The following HSPBP1 variants were observed in gnomAD, a reference collection of about 807,000 sequenced individuals.
The protein encoded by HSPBP1 is hsp70-binding protein 1.
In HSPBP1, 31 loss-of-function variants were observed where a neutral mutation model predicts 41.7. The ratio of observed to expected loss-of-function variants is 0.74; its 90% CI spans 0.56 to 1.00. HSPBP1 has a LOEUF of 1.00. Ranked by LOEUF, HSPBP1 falls within the 50% of genes least tolerant of loss-of-function variation. The pLI is 0.00. For synonymous variants in HSPBP1, 199 were observed against 214.4 expected, an observed-to-expected ratio of 0.93 and a Z score of 0.63; for missense variants, 439 against 487.9, an observed-to-expected ratio of 0.90 and a Z score of 0.94.
intron 4 of HSPBP1, among the ~76,000 whole-genome samples, chr19:55,269,544 G>A (rs938379003): frequency 6.6e-6 from 1 of 152,094 alleles, no homozygotes; most frequent in South Asian, 2.1e-4. Context: ...CTTATTCAGC[G>A]CTAAAAAGAA....
At chr19:55,269,059 G>A (rs898250465) in intron 4 of HSPBP1, among the ~76,000 whole-genome samples, 1 of 152,140 alleles carries the variant, frequency 6.6e-6, no homozygotes, top group Admixed American at 6.5e-5. Flanking sequence ...TGTAAGCAAG[G>A]CCTGTCAGCT....
intron 7 of HSPBP1, among the ~76,000 whole-genome samples, chr19:55,264,957 AC>A (rs1248034500): frequency 6.6e-6 from 1 of 150,412 alleles, no homozygotes; most frequent in Non-Finnish European, 1.5e-5. Flanking sequence ...GGAATTCCTC[AC>A]CCCCCAGGCC....
In HSPBP1 at chr19:55,265,349, C is replaced by T; in HGVS notation, c.934G>A (p.Glu312Lys). The change falls in exon 7 of 8, where the codon GAG (glutamate) becomes AAG (lysine). Residue 312 changes from glutamate to lysine, a missense_variant. Physicochemically the swap from Glu to Lys is moderately conservative, Grantham distance 56 (BLOSUM62 1). Coordinates refer to ENST00000433386, the MANE Select transcript of HSPBP1 (RefSeq NM_012267.5). ...DFPQGVRECR[E>K]PELGLEELLR... ...AGCTCCTCCAGGCCCAGTTCCGGCTCCCGACACTCGCGCACACCCTGCGGA... is the reference window on the plus strand; with the variant it reads ...AGCTCCTCCAGGCCCAGTTCCGGCTTCCGACACTCGCGCACACCCTGCGGA... 1 of 1,613,424 alleles carries T rather than the reference C, an allele frequency of 6.2e-7. No homozygotes were observed. Among genetic ancestry groups the T allele is most frequent in the South Asian group, 1.1e-5 (1 of 91,080 alleles).
At chr19:55,276,354 T>C (rs1326705849) in intron 3 of HSPBP1, among the ~76,000 whole-genome samples, 4 of 152,120 alleles carry the variant, frequency 2.6e-5, no homozygotes, top group Non-Finnish European at 5.9e-5. Context: ...GAGGTGGTGT[T>C]GCACAACATT....
At chr19:55,263,675 G>C (rs2087701998) in intron 7 of HSPBP1, among the ~76,000 whole-genome samples, 1 of 152,210 alleles carries the variant, frequency 6.6e-6, no homozygotes, top group African/African-American at 2.4e-5. Flanking sequence ...GCAAGGGGCA[G>C]AACAGCCATC....
At chr19:55,264,498 T>C (rs1199156058) in intron 7 of HSPBP1, among the ~76,000 whole-genome samples, 1 of 152,362 alleles carries the variant, frequency 6.6e-6, no homozygotes, top group East Asian at 1.9e-4. Context: ...TCTAATGAGT[T>C]ATTTATTTGC....
chr19:55,264,837 C>T (rs990301449), intron 7 of HSPBP1, among the ~76,000 whole-genome samples: 9 of 152,246 alleles, frequency 5.9e-5, no homozygotes, highest in South Asian at 2.1e-4. Flanking sequence ...GTGAAATGCA[C>T]GAGAACACGA....
intron 3 of HSPBP1, among the ~76,000 whole-genome samples, chr19:55,276,793 G>A (rs139765278): frequency 1.3e-5 from 2 of 152,192 alleles, no homozygotes; most frequent in African/African-American, 2.4e-5. Context: ...TGCTGCATGC[G>A]CTCACAGAGG....
chr19:55,263,406 G>C (rs1160716440), intron 7 of HSPBP1, among the ~76,000 whole-genome samples: 1 of 152,200 alleles, frequency 6.6e-6, no homozygotes, highest in Non-Finnish European at 1.5e-5. Flanking sequence ...TCTATGGAGA[G>C]CAGCTTGGTG....
chr19:55,280,012 C>T (rs11672373), intron 1 of HSPBP1, 23 bp downstream of exon 1: 17,579 of 289,284 alleles, frequency 0.061, 720 homozygotes, highest in South Asian at 0.15. Context: ...CGAAGAGGGG[C>T]GCCGGAATAA....
At chr19:55,278,854 C>G (rs1483333723) in intron 2 of HSPBP1, among the ~76,000 whole-genome samples, 1 of 150,468 alleles carries the variant, frequency 6.6e-6, no homozygotes, top group Non-Finnish European at 1.5e-5. Flanking sequence ...TCAGAGGTTG[C>G]AGTGAGCCAA....
rs568854687 is a variant in HSPBP1, at chr19:55,275,348, C to T, written c.416-726G>A. ...GTGACCCAGCAATTCCGCACCAAGG[C>T]ACAGACCCAAAAGAACCAGAAGTAG... On this transcript the variant is annotated intron_variant, in intron 3 of 7. Coordinates refer to ENST00000433386, the MANE Select transcript of HSPBP1 (RefSeq NM_012267.5). 3.9e-5 allele frequency among the ~76,000 whole-genome samples: 6 copies of T among 152,294 alleles called. No individual in the cohort carries two copies. In the South Asian group the frequency reaches 1.2e-3, roughly 32 times the overall value.
At chr19:55,262,933 G>A (rs2087684777) in intron 7 of HSPBP1, among the ~76,000 whole-genome samples, 1 of 152,168 alleles carries the variant, frequency 6.6e-6, no homozygotes, top group Non-Finnish European at 1.5e-5. Flanking sequence ...CCTCATATCA[G>A]CACTCTTGGG....
intron 4 of HSPBP1, among the ~76,000 whole-genome samples, chr19:55,273,938 A>C (rs2087990968): frequency 6.6e-6 from 1 of 151,644 alleles, no homozygotes; most frequent in African/African-American, 2.4e-5. Flanking sequence ...AAAAAGAAGA[A>C]GAAGAATTCA....
rs776670838 is a variant in HSPBP1, at chr19:55,274,544, G to A, written c.494C>T (p.Ala165Val). ...EAGAAGLRWR[A>V]AQLIGTCSQN... ...ACTGCACGTGCCGATGAGCTGTGCC[G>A]CCCGCCACCGCAGTCCCGCAGCCCC... Residue 165 changes from alanine to valine, a missense_variant, in exon 4 of 8, where the codon GCG (alanine) becomes GTG (valine). Coordinates refer to ENST00000433386, the MANE Select transcript of HSPBP1 (RefSeq NM_012267.5). 1.9e-5 allele frequency: 31 copies of A among 1,608,396 alleles called. No individual in the cohort carries two copies. Among genetic ancestry groups the A allele is most frequent in the Middle Eastern group, 1.8e-4 (1 of 5,406 alleles).
At chr19:55,262,839 A>C (rs991210044) in intron 7 of HSPBP1, among the ~76,000 whole-genome samples, 157 bp from the exon 8 acceptor site, 1 of 152,176 alleles carries the variant, frequency 6.6e-6, no homozygotes, top group Non-Finnish European at 1.5e-5. Context: ...GCTCAGATCC[A>C]TGATTCACTG....
rs974408663 is a variant in HSPBP1 at position 55,270,426 on chromosome 19, G to A, written c.640+3972C>T. Among the ~76,000 whole-genome samples the A allele has an allele frequency of 6.6e-6, 1 of 152,174 alleles. No individual in the cohort carries two copies. Among genetic ancestry groups the A allele is most frequent in the Non-Finnish European group, 1.5e-5 (1 of 68,024 alleles). Reference sequence around the variant, plus strand: ...GGGCTTAGTGCAATGAGACCTTCAGGGAACGAGGCCCGGCTGACGGCTGAC... The same window carrying A: ...GGGCTTAGTGCAATGAGACCTTCAGAGAACGAGGCCCGGCTGACGGCTGAC... On this transcript the variant is annotated intron_variant, in intron 4 of 7. Coordinates refer to ENST00000433386, the MANE Select transcript of HSPBP1 (RefSeq NM_012267.5). The surrounding 1 kb of genome is among the most constrained non-coding windows in gnomAD (Gnocchi z 5.4).
chr19:55,272,240 C>T lies in HSPBP1; in HGVS notation c.640+2158G>A, dbSNP rs2087942418. 6.6e-6 allele frequency among the ~76,000 whole-genome samples: 1 copy of T among 152,098 alleles called. No individual in the cohort carries two copies. The highest frequency in any genetic ancestry group is 6.6e-5 in the Admixed American group (1 of 15,254). ...ACGAGAGCCCAGAGATACAAGGAAA[C>T]CAGGGACTGTCAGCAGACAGGCGGA... On this transcript the variant is annotated intron_variant, in intron 4 of 7. Transcript: ENST00000433386. This position sits in a 1 kb window ranked among gnomAD's most constrained non-coding sequence, Gnocchi z 4.2.
At chr19:55,279,090 G>T (rs556925710) in intron 2 of HSPBP1, among the ~76,000 whole-genome samples, 153 of 152,140 alleles carry the variant, frequency 1.0e-3, no homozygotes, top group Non-Finnish European at 1.6e-3. Context: ...TTATCAATTT[G>T]TAAATGAAGA....
Sources: allele counts gnomAD v4.1 joint callset (sites outside exome capture counted in the v4.1 genomes callset), GRCh38; gene constraint gnomAD v4.1.1; non-coding constraint Gnocchi (gnomAD v3.1); transcripts MANE v1.5; gene names NCBI Gene and HGNC (gene_info 2026-07-23, HGNC 2026-07-21).